The following UGGT2 variants were observed in gnomAD, a reference collection of about 807,000 sequenced individuals.
UGGT2 encodes UDP-glucose:glycoprotein glucosyltransferase 2.
In UGGT2, 180 loss-of-function variants were observed where a neutral mutation model predicts 192.1. That is an observed-to-expected ratio of 0.94 (90% CI 0.83 to 1.06). UGGT2 has a LOEUF of 1.06. Ranked by LOEUF, UGGT2 falls within the 50% of genes least tolerant of loss-of-function variation. UGGT2 has a pLI of 0.00. For missense variants in UGGT2, 1,849 were observed against 1,795.7 expected, an observed-to-expected ratio of 1.03 and a Z score of -0.54; for synonymous variants, 580 against 591.0, an observed-to-expected ratio of 0.98 and a Z score of 0.27.
chr13:95,832,060 TA>T (rs1455486407), intron 38 of UGGT2, among the ~76,000 whole-genome samples: 1 of 151,154 alleles, frequency 6.6e-6, no homozygotes, highest in Non-Finnish European at 1.5e-5. Flanking sequence ...TTTTTTTTTT[TA>T]AAGTCAAGAT....
intron 38 of UGGT2, among the ~76,000 whole-genome samples, chr13:95,829,104 T>G (rs1886374610): frequency 6.6e-6 from 1 of 152,190 alleles, no homozygotes; most frequent in Non-Finnish European, 1.5e-5. Flanking sequence ...AAAAGGTCTT[T>G]GACAAAATTC....
At chr13:95,968,944 G>C (rs149615647) in intron 12 of UGGT2, among the ~76,000 whole-genome samples, 4 of 152,046 alleles carry the variant, frequency 2.6e-5, no homozygotes, top group Non-Finnish European at 4.4e-5. Context: ...CTCTTGACTG[G>C]GTCCTGATAA....
intron 20 of UGGT2, among the ~76,000 whole-genome samples, chr13:95,918,280 CTT>C (rs1225895805): frequency 6.6e-6 from 1 of 152,118 alleles, no homozygotes; most frequent in Non-Finnish European, 1.5e-5. Flanking sequence ...CTGAATGACT[CTT>C]GAGTAAATAA....
intron 38 of UGGT2, among the ~76,000 whole-genome samples, chr13:95,806,325 C>T (rs1054518749): frequency 6.6e-6 from 1 of 152,102 alleles, no homozygotes; most frequent in African/African-American, 2.4e-5. Flanking sequence ...AGGCTGGGCC[C>T]TTAATCTGTG....
At chr13:95,961,951 C>A (rs1650195744) in intron 12 of UGGT2, among the ~76,000 whole-genome samples, 1 of 151,994 alleles carries the variant, frequency 6.6e-6, no homozygotes, top group Non-Finnish European at 1.5e-5. Flanking sequence ...GGAAGCAATA[C>A]AAACACATGG....
At chr13:95,855,721 A>T (rs1889543534) in intron 34 of UGGT2, among the ~76,000 whole-genome samples, 1 of 152,050 alleles carries the variant, frequency 6.6e-6, no homozygotes, top group Admixed American at 6.6e-5. Context: ...GAGTGATGAG[A>T]ATTTGGTTAT....
At chr13:95,862,566 G>A (rs1218190596) in intron 31 of UGGT2, among the ~76,000 whole-genome samples, 1 of 152,122 alleles carries the variant, frequency 6.6e-6, no homozygotes, top group Non-Finnish European at 1.5e-5. Flanking sequence ...CTAGAAGTAG[G>A]TATATGACTC....
intron 20 of UGGT2, among the ~76,000 whole-genome samples, chr13:95,905,948 T>C (rs1468825630): frequency 1.3e-5 from 2 of 152,212 alleles, no homozygotes; most frequent in East Asian, 3.8e-4. Context: ...AAGCCAACTT[T>C]GTTATAAATC....
At chr13:95,993,606 T>C (rs1023171933) in intron 7 of UGGT2, among the ~76,000 whole-genome samples, 17 of 152,166 alleles carry the variant, frequency 1.1e-4, no homozygotes, top group Non-Finnish European at 2.4e-4. Context: ...TTGTAAGCTG[T>C]ATTAACATTT....
chr13:95,857,819 A>C (rs1889761432), intron 33 of UGGT2, among the ~76,000 whole-genome samples: 1 of 152,156 alleles, frequency 6.6e-6, no homozygotes, highest in Non-Finnish European at 1.5e-5. Context: ...TAATCCAGAC[A>C]TAGCACTATT....
Position 95,886,885 on chromosome 13 carries a change from T to TACAAA in UGGT2, c.3038+1002_3038+1006dup, listed in dbSNP as rs547678927. ...TGGCAAGACCCCGTCTCTACAAAAA[T>TACAAA]ACAAAACAAAACAAAACAAAAAAAC... On this transcript the variant is annotated intron_variant, in intron 26 of 38. Coordinates refer to ENST00000376747, the MANE Select transcript of UGGT2 (RefSeq NM_020121.4). Among the ~76,000 whole-genome samples, 179 of 151,680 alleles carry TACAAA rather than the reference T, an allele frequency of 1.2e-3. 1 individual carries two copies. Among genetic ancestry groups the TACAAA allele is most frequent in the African/African-American group, 3.6e-3 (149 of 41,366 alleles).
intron 37 of UGGT2, among the ~76,000 whole-genome samples, chr13:95,835,787 G>A (rs1420584852): frequency 6.6e-6 from 1 of 151,948 alleles, no homozygotes; most frequent in Non-Finnish European, 1.5e-5. Flanking sequence ...AAATCTAAAT[G>A]GACAACAAAT....
chr13:95,917,738 C>T (rs1566691951), intron 20 of UGGT2, among the ~76,000 whole-genome samples: 1 of 151,948 alleles, frequency 6.6e-6, no homozygotes, highest in Non-Finnish European at 1.5e-5. Flanking sequence ...AAATGGATAA[C>T]AGAAAAAAAG....
chr13:96,009,924 A>G (rs2052103212), intron 5 of UGGT2, among the ~76,000 whole-genome samples: 1 of 152,242 alleles, frequency 6.6e-6, no homozygotes, highest in Non-Finnish European at 1.5e-5. Context: ...AGAGAAATGC[A>G]GATCAAAACC....
chr13:95,855,497 G>GTTT (rs555723276), intron 34 of UGGT2, among the ~76,000 whole-genome samples: 4 of 124,562 alleles, frequency 3.2e-5, no homozygotes, highest in African/African-American at 6.0e-5. Context: ...GGCCTTGGGT[G>GTTT]TTTTTTTTTT....
intron 12 of UGGT2, among the ~76,000 whole-genome samples, chr13:95,962,728 C>T (rs546640364): frequency 4.0e-4 from 61 of 152,180 alleles, no homozygotes; most frequent in Middle Eastern, 3.4e-3. Flanking sequence ...CAAAACCAGA[C>T]GAGGACACAA....
chr13:96,021,078 T>C (rs1035667425), intron 4 of UGGT2, among the ~76,000 whole-genome samples: 2 of 152,198 alleles, frequency 1.3e-5, no homozygotes, highest in Non-Finnish European at 2.9e-5. Flanking sequence ...GGAAGCACTG[T>C]TTTATAGTAA....
chr13:95,845,014 T>C (rs1888250128), intron 36 of UGGT2, among the ~76,000 whole-genome samples: 1 of 152,170 alleles, frequency 6.6e-6, no homozygotes, highest in Non-Finnish European at 1.5e-5. Context: ...TACTGGAGTA[T>C]ATCAAATGCT....
At chr13:95,833,127 G>A in intron 37 of UGGT2, 74 bp from the exon 38 acceptor site, 1 of 1,506,050 alleles carries the variant, frequency 6.6e-7, no homozygotes, top group Non-Finnish European at 9.0e-7. Flanking sequence ...GTGTCACTAG[G>A]GCAAACAAAA....
Sources: allele counts gnomAD v4.1 joint callset (sites outside exome capture counted in the v4.1 genomes callset), GRCh38; gene constraint gnomAD v4.1.1; transcripts MANE v1.5; gene names NCBI Gene and HGNC (gene_info 2026-07-23, HGNC 2026-07-21).